NBN: variants seen among roughly 807,000 people sequenced by gnomAD.
NBN encodes the protein Nijmegen breakage syndrome 1 (nibrin).
A neutral mutation model predicts 90.8 loss-of-function variants in NBN; 88 were observed. That is an observed-to-expected ratio of 0.97 (90% CI 0.82 to 1.16). The LOEUF (loss-of-function observed/expected upper bound fraction) is 1.16. Among genes scored for constraint, NBN ranks in the 50% most tolerant of loss-of-function variants. NBN has a pLI of 0.00. For missense variants in NBN, 894 were observed against 869.6 expected (o/e 1.03, Z -0.35); for synonymous variants, 328 against 295.1 (o/e 1.11, Z -1.14).
intron 1 of NBN, among the ~76,000 whole-genome samples, chr8:89,983,222 T>C (rs1812160437): frequency 6.6e-6 from 1 of 152,168 alleles, no homozygotes; most frequent in African/African-American, 2.4e-5. Context: ...AAAAACTTAA[T>C]GTATTACCTA....
intron 5 of NBN, among the ~76,000 whole-genome samples, chr8:89,977,427 T>C (rs146484680): frequency 1.3e-3 from 193 of 152,332 alleles, no homozygotes; most frequent in African/African-American, 4.5e-3. Flanking sequence ...TGCATAGTAT[T>C]CCATGGTGTA....
chr8:89,952,128 C>G (rs1810472785), intron 11 of NBN, among the ~76,000 whole-genome samples: 1 of 152,028 alleles, frequency 6.6e-6, no homozygotes, highest in African/African-American at 2.4e-5. Flanking sequence ...TAAATTAATA[C>G]CATGGGAAGC....
intron 11 of NBN, 63 bp downstream of exon 11, chr8:89,953,181 G>C (rs745898359): frequency 2.5e-6 from 3 of 1,222,404 alleles, no homozygotes; most frequent in East Asian, 4.7e-5. Context: ...ATACAAAATC[G>C]AAAGTACCTG....
chr8:89,983,504 C>T (rs1358676704), intron 1 of NBN, among the ~76,000 whole-genome samples: 1 of 151,834 alleles, frequency 6.6e-6, no homozygotes, highest in African/African-American at 2.4e-5. Context: ...CAAAATATGC[C>T]ATAAAACTAA....
intron 11 of NBN, among the ~76,000 whole-genome samples, chr8:89,951,990 T>C (rs1810467533): frequency 6.6e-6 from 1 of 152,150 alleles, no homozygotes; most frequent in Non-Finnish European, 1.5e-5. Flanking sequence ...GAAAGCTCCT[T>C]AGAAAACAGG....
At chr8:89,939,163 A>G (rs1228699086) in intron 14 of NBN, among the ~76,000 whole-genome samples, 1 of 152,192 alleles carries the variant, frequency 6.6e-6, no homozygotes, top group Non-Finnish European at 1.5e-5. Flanking sequence ...TGATTATGAA[A>G]ATCAAGACTG....
At chr8:89,981,098 A>G (rs1432283532) in intron 3 of NBN, among the ~76,000 whole-genome samples, 1 of 152,190 alleles carries the variant, frequency 6.6e-6, no homozygotes. Flanking sequence ...TCTTGAGTCC[A>G]AATGAAGAAA....
In NBN at chr8:89,934,180, T is replaced by A. The variant is rs970997751; in HGVS notation, c.*1402A>T. ...AGCTTCACTTGGTAATTATGATACA[T>A]GGCTATTAAGAGACTCAAATGACTC... On this transcript the variant is annotated 3_prime_UTR_variant, in exon 16 of 16. Transcript: ENST00000265433. 25 of 231,468 alleles carry A rather than the reference T, an allele frequency of 1.1e-4. No homozygotes were observed. The highest frequency in any genetic ancestry group is 1.8e-4 in the Non-Finnish European group (21 of 117,076). The allele number at this position is 231,468 out of a possible 1,614,324, so 14.3% of individuals were successfully genotyped here. A position where few individuals can be genotyped will look rare whatever the true frequency, so the allele number is the denominator to read the frequency against.
intron 11 of NBN, among the ~76,000 whole-genome samples, chr8:89,948,876 C>T (rs1460071527): frequency 6.6e-6 from 1 of 152,154 alleles, no homozygotes; most frequent in Non-Finnish European, 1.5e-5. Flanking sequence ...ACCTTCTCCC[C>T]ATCCTGCCCT....
At chr8:89,958,620 G>A (rs2129743343) in intron 9 of NBN, 105 bp downstream of exon 9, 1 of 1,340,890 alleles carries the variant, frequency 7.5e-7, no homozygotes, top group Non-Finnish European at 1.1e-6. Context: ...ATTCTTCCAT[G>A]CTTTCTCTCT....
chr8:89,974,460 G>A (rs779218327), intron 5 of NBN, among the ~76,000 whole-genome samples: 1 of 152,062 alleles, frequency 6.6e-6, no homozygotes, highest in African/African-American at 2.4e-5. Context: ...AGGCCAATGT[G>A]TCTGTTGGGT....
At position 89,974,251 on chromosome 8, in the gene NBN, CTTTT is replaced by C. The variant is rs905605538; in HGVS notation, c.585-2965_585-2962del. Reference sequence around the variant, plus strand: ...ATTTCTAGAACCATTTACTATATGGCTTTTTTTTTTTTTTTTTTTTGGTGATCTT... The same window carrying C: ...ATTTCTAGAACCATTTACTATATGGCTTTTTTTTTTTTTTTTGGTGATCTT... On this transcript the variant is annotated intron_variant, in intron 5 of 15. Coordinates refer to ENST00000265433, the MANE Select transcript of NBN (RefSeq NM_002485.5). Among the ~76,000 whole-genome samples, 31 of 106,504 alleles carry C rather than the reference CTTTT, an allele frequency of 2.9e-4. 1 individual carries two copies. The highest frequency in any genetic ancestry group is 7.7e-4 in the African/African-American group (21 of 27,432). The allele number at this position is 106,504 out of a possible 152,430, so 69.9% of individuals were successfully genotyped here.
At chr8:89,943,641 GCCTTA>G (rs1009225647) in intron 13 of NBN, among the ~76,000 whole-genome samples, 8 of 151,916 alleles carry the variant, frequency 5.3e-5, no homozygotes, top group Non-Finnish European at 1.0e-4. Context: ...TTTTAAAATG[GCCTTA>G]CCTTATCATT....
In NBN at chr8:89,970,510, C is replaced by T. The variant is rs758852942; in HGVS notation, c.750G>A (p.Arg250=). Reference sequence around the variant, plus strand: ...CTTCTTCATTCTCTTCTGTTATCAACCTAGCTTCCCCACCTCCAAAGACAA... The same window carrying T: ...CTTCTTCATTCTCTTCTGTTATCAATCTAGCTTCCCCACCTCCAAAGACAA... ...SAVVFGGGEA[R]LITEENEEEH... is the part of the protein sequence containing the mutation. Residue 250 remains arginine, a synonymous_variant, in exon 7 of 16, where the codon AGG becomes AGA. Transcript: ENST00000265433. The T allele has an allele frequency of 6.2e-6, 10 of 1,613,794 alleles. No individual in the cohort carries two copies. The highest frequency in any genetic ancestry group is 1.6e-4 in the Middle Eastern group (1 of 6,082).
chr8:89,941,580 A>C (rs1809951708), intron 14 of NBN, among the ~76,000 whole-genome samples: 1 of 152,210 alleles, frequency 6.6e-6, no homozygotes, highest in Non-Finnish European at 1.5e-5. Context: ...CCTTCAGTTT[A>C]ACTTCCTCCT....
At position 89,946,317 on chromosome 8, in the gene NBN, T is replaced by C. The variant is rs200341262; in HGVS notation, c.1915-22A>G. The C allele has an allele frequency of 1.9e-4, 298 of 1,556,638 alleles. 1 individual carries two copies. The East Asian group carries it at 6.3e-3, about 33-fold the overall frequency. ...TGTTCTTAAATGGGGTTAAGATGGATAGGTAAGAAAGAGAAGAAATAACAA... is the reference window on the plus strand; with the variant it reads ...TGTTCTTAAATGGGGTTAAGATGGACAGGTAAGAAAGAGAAGAAATAACAA... On this transcript the variant is annotated intron_variant, in intron 12 of 15. Transcript: ENST00000265433.
chr8:89,970,537 T>A lies in NBN; in HGVS notation c.723A>T (p.Ala241=), dbSNP rs1554564031. 1.2e-6 allele frequency: 2 copies of A among 1,613,672 alleles called. No homozygotes were observed. Among genetic ancestry groups the A allele is most frequent in the Non-Finnish European group, 1.7e-6 (2 of 1,179,624 alleles). ...NAKQHKKLSS[A]VVFGGGEARL... is the part of the protein sequence containing the mutation. ...TAGCTTCCCCACCTCCAAAGACAAC[T>A]GCGGAACTCAATTTCTTATGCTAAA... The change falls in exon 7 of 16, where the codon GCA becomes GCT. Residue 241 remains alanine, a synonymous_variant. Transcript: ENST00000265433.
rs1040887182 is a variant in NBN at position 89,934,362 on chromosome 8, G to C, written c.*1220C>G. The C allele has an allele frequency of 4.3e-6, 1 of 232,824 alleles. No individual in the cohort carries two copies. The highest frequency in any genetic ancestry group is 8.5e-6 in the Non-Finnish European group (1 of 117,820). The allele number at this position is 232,824 out of a possible 1,614,324, so 14.4% of individuals were successfully genotyped here. ...TGCCTGTAGTAGAAATTGCAGATTG[G>C]CTCACCCAATTTCTGTTCCCTAGGA... On this transcript the variant is annotated 3_prime_UTR_variant, in exon 16 of 16. Transcript: ENST00000265433.
At chr8:89,962,372 T>C (rs1322420059) in intron 8 of NBN, among the ~76,000 whole-genome samples, 1 of 152,208 alleles carries the variant, frequency 6.6e-6, no homozygotes, top group Admixed American at 6.5e-5. Context: ...ATATGTTTGT[T>C]GTAATTAAAG....
Sources: gnomAD v4.1 joint callset for allele counts (sites outside exome capture counted in the v4.1 genomes callset) on GRCh38, gnomAD v4.1.1 for gene constraint, MANE v1.5 for transcripts, NCBI Gene and HGNC (gene_info 2026-07-23, HGNC 2026-07-21) for gene names.